Variants in DPF2 observed in about 807,000 individuals in gnomAD.
DPF2 encodes double PHD fingers 2.
A neutral mutation model predicts 59.6 loss-of-function variants in DPF2; 10 were observed. That is an observed-to-expected ratio of 0.17 (90% CI 0.10 to 0.28). The LOEUF (loss-of-function observed/expected upper bound fraction) is 0.28. Among genes scored for constraint, DPF2 ranks in the 10% least tolerant of loss-of-function variants. DPF2 has a pLI of 1.00. For missense variants in DPF2, 315 were observed against 509.4 expected, an observed-to-expected ratio of 0.62 and a Z score of 3.67; for synonymous variants, 189 against 190.6, an observed-to-expected ratio of 0.99 and a Z score of 0.07.
chr11:65,334,307 A>G (rs990942679), intron 1 of DPF2, among the ~76,000 whole-genome samples: 1 of 95,996 alleles, frequency 1.0e-5, no homozygotes, highest in African/African-American at 3.9e-5. Flanking sequence ...CCCGCCGCCC[A>G]CCCCGCCCCG....
intron 1 of DPF2, among the ~76,000 whole-genome samples, chr11:65,336,993 C>T (rs531869353): frequency 6.6e-6 from 1 of 151,620 alleles, no homozygotes; most frequent in Non-Finnish European, 1.5e-5. Context: ...GAGGCTGAGG[C>T]AGAAGAATCG....
chr11:65,340,266 A>C, intron 1 of DPF2, 119 bp from the exon 2 acceptor site: 13 of 1,206,626 alleles, frequency 1.1e-5, no homozygotes, highest in Middle Eastern at 6.0e-4. Flanking sequence ...ATAGAACGGA[A>C]GAGACAGCCA....
chr11:65,337,361 C>T (rs901041954), intron 1 of DPF2, among the ~76,000 whole-genome samples: 3 of 145,480 alleles, frequency 2.1e-5, no homozygotes, highest in Admixed American at 7.0e-5. Flanking sequence ...CGTTGGAACC[C>T]GGGAGGCAGA....
chr11:65,350,836 G>A (rs1046458793), intron 10 of DPF2, among the ~76,000 whole-genome samples: 1 of 151,758 alleles, frequency 6.6e-6, no homozygotes, highest in African/African-American at 2.4e-5. Flanking sequence ...GAAATTAGCT[G>A]GGCGTGGTGC....
rs4647592 is a variant in DPF2 at position 65,349,091 on chromosome 11, C to CTT, written c.1099+161_1099+162dup. On this transcript the variant is annotated intron_variant, in intron 10 of 10. Transcript: ENST00000528416. Reference sequence around the variant, plus strand: ...TTAGAATGCCTTCCTAACATTTCAACTTAAAGGGTTTAGTGTTTGCACATT... The same window carrying CTT: ...TTAGAATGCCTTCCTAACATTTCAACTTTTAAAGGGTTTAGTGTTTGCACATT... 7.3e-3 allele frequency among the ~76,000 whole-genome samples: 1,119 copies of CTT among 152,292 alleles called. 12 individuals carry two copies. The highest frequency in any genetic ancestry group is 0.026 in the African/African-American group (1,080 of 41,554).
chr11:65,333,873 G>T lies in DPF2; in HGVS notation c.-14G>T, dbSNP rs781698186. On this transcript the variant is annotated 5_prime_UTR_variant, in exon 1 of 11. Transcript: ENST00000528416. ...CTGTGGGGCTTCTCGGCCCGAGGCAGAGGAACAGGGAAGATGGCGGCTGTG... is the reference window on the plus strand; with the variant it reads ...CTGTGGGGCTTCTCGGCCCGAGGCATAGGAACAGGGAAGATGGCGGCTGTG... The T allele has an allele frequency of 6.2e-7, 1 of 1,613,832 alleles. No homozygotes were observed. Among genetic ancestry groups the T allele is most frequent in the Admixed American group, 1.7e-5 (1 of 60,008 alleles).
At position 65,351,768 on chromosome 11, in the gene DPF2, C is replaced by T. The variant is rs758885245; in HGVS notation, c.*9C>T. ...ACCAGAACTCCTCTTGATGTGGCCA[C>T]CCACCTGCTCCCCGACATATCTAAG... On this transcript the variant is annotated 3_prime_UTR_variant, in exon 11 of 11. Coordinates refer to ENST00000528416, the MANE Select transcript of DPF2 (RefSeq NM_006268.5). 6.2e-7 allele frequency: 1 copy of T among 1,612,272 alleles called. No homozygotes were observed. Among genetic ancestry groups the T allele is most frequent in the Non-Finnish European group, 8.5e-7 (1 of 1,179,704 alleles).
At position 65,352,213 on chromosome 11, in the gene DPF2, G is replaced by C. The variant is rs187984335; in HGVS notation, c.*454G>C. The C allele has an allele frequency of 2.7e-4, 52 of 189,730 alleles. 1 individual carries two copies. The East Asian group carries it at 7.0e-3, about 25-fold the overall frequency. The allele number at this position is 189,730 out of a possible 1,614,324, so 11.8% of individuals were successfully genotyped here. On this transcript the variant is annotated 3_prime_UTR_variant, in exon 11 of 11. Coordinates refer to ENST00000528416, the MANE Select transcript of DPF2 (RefSeq NM_006268.5). Reference sequence around the variant, plus strand: ...AGCAAGCTGAGGCCACGTCCACAAGGAGCTTTTCATGCCCCTGTGCCGCAT... The same window carrying C: ...AGCAAGCTGAGGCCACGTCCACAAGCAGCTTTTCATGCCCCTGTGCCGCAT...
At chr11:65,343,677 C>T (rs1854445165) in intron 4 of DPF2, 68 bp from the exon 5 acceptor site, 1 of 1,502,758 alleles carries the variant, frequency 6.7e-7, no homozygotes, top group Non-Finnish European at 9.0e-7. Flanking sequence ...TGGCCTTGGC[C>T]AGTCTCATCA....
In DPF2 at chr11:65,337,490, TATATATATATATATAG is replaced by T. The variant is rs1346009257; in HGVS notation, c.33-2893_33-2878del. On this transcript the variant is annotated intron_variant, in intron 1 of 10. Coordinates refer to ENST00000528416, the MANE Select transcript of DPF2 (RefSeq NM_006268.5). ...AAAAAAAAAAATATATATATATATA[TATATATATATATATAG>T]AGAGAGAGAGAGAGAGAGAGAGAGA... Among the ~76,000 whole-genome samples, 11 of 67,012 alleles carry T rather than the reference TATATATATATATATAG, an allele frequency of 1.6e-4. No homozygotes were observed. In the East Asian group the frequency reaches 3.5e-3, roughly 22 times the overall value. 44.0% of individuals were successfully genotyped at this position (67,012 alleles called of 152,430 possible).
rs1423726298 is a variant in DPF2 at position 65,344,045 on chromosome 11, C to G, written c.613C>G (p.Arg205Gly). The G allele has an allele frequency of 6.2e-7, 1 of 1,614,184 alleles. No homozygotes were observed. Among genetic ancestry groups the G allele is most frequent in the Non-Finnish European group, 8.5e-7 (1 of 1,180,030 alleles). Reference sequence around the variant, plus strand: ...GCTGGATGCTTCCATCCTGGAGGACCGGGATAAGCCCTATGCCTGTGACAG... The same window carrying G: ...GCTGGATGCTTCCATCCTGGAGGACGGGGATAAGCCCTATGCCTGTGACAG... ...KKLDASILEDRDKPYACDICG... is the reference protein window; with the variant it reads ...KKLDASILEDGDKPYACDICG... Residue 205 changes from arginine to glycine, a missense_variant, in exon 6 of 11, where the codon CGG (arginine) becomes GGG (glycine). Transcript: ENST00000528416.
chr11:65,341,183 T>G, intron 3 of DPF2, 110 bp downstream of exon 3: 1 of 1,295,888 alleles, frequency 7.7e-7, no homozygotes, highest in Non-Finnish European at 1.1e-6. Context: ...CTCAAATGAA[T>G]ATGATGTGAT....
At chr11:65,338,322 G>GT (rs1227233769) in intron 1 of DPF2, among the ~76,000 whole-genome samples, 2 of 152,148 alleles carry the variant, frequency 1.3e-5, no homozygotes, top group Non-Finnish European at 2.9e-5. Flanking sequence ...ACACTTCAGT[G>GT]TTTCCTTCCC....
At chr11:65,337,079 GAA>G (rs1431630995) in intron 1 of DPF2, among the ~76,000 whole-genome samples, 1 of 152,188 alleles carries the variant, frequency 6.6e-6, no homozygotes, top group Non-Finnish European at 1.5e-5. Flanking sequence ...AAAAAAGAGA[GAA>G]AGTCTTTAAG....
At chr11:65,334,408 G>A (rs527684293) in intron 1 of DPF2, among the ~76,000 whole-genome samples, 1 of 152,310 alleles carries the variant, frequency 6.6e-6, no homozygotes, top group Non-Finnish European at 1.5e-5. Context: ...GCCCCGTGAT[G>A]TTTGGGAGGA....
In DPF2 at chr11:65,348,963, T is replaced by A. The variant is rs776916116; in HGVS notation, c.1099+32T>A. On this transcript the variant is annotated intron_variant, in intron 10 of 10. Coordinates refer to ENST00000528416, the MANE Select transcript of DPF2 (RefSeq NM_006268.5). ...TGCCCAGATCTTTTACTCAGAACAA[T>A]TACTTTATTAGTTACTTGGAAAATA... 3 of 1,606,088 alleles carry A rather than the reference T, an allele frequency of 1.9e-6. No individual in the cohort carries two copies. In the South Asian group the frequency reaches 3.3e-5, roughly 18 times the overall value.
intron 1 of DPF2, among the ~76,000 whole-genome samples, chr11:65,338,936 A>G (rs959705282): frequency 2.0e-5 from 3 of 151,894 alleles, no homozygotes; most frequent in African/African-American, 7.3e-5. Flanking sequence ...ATTTGGTCCA[A>G]CCTCCTCAAT....
intron 8 of DPF2, 42 bp from the exon 9 acceptor site, chr11:65,346,205 C>T (rs202228737): frequency 2.6e-5 from 41 of 1,604,546 alleles, no homozygotes; most frequent in South Asian, 1.9e-4. Flanking sequence ...CTCTTCCCCC[C>T]GCATTTCCGA....
chr11:65,346,401 C>T (rs779401217), intron 9 of DPF2, 42 bp downstream of exon 9: 1 of 1,557,458 alleles, frequency 6.4e-7, no homozygotes, highest in Non-Finnish European at 8.8e-7. Flanking sequence ...TCCTTCTGGG[C>T]TTTTACTGCT....
Sources: gnomAD v4.1 joint callset for allele counts (sites outside exome capture counted in the v4.1 genomes callset) on GRCh38, gnomAD v4.1.1 for gene constraint, MANE v1.5 for transcripts, NCBI Gene and HGNC (gene_info 2026-07-23, HGNC 2026-07-21) for gene names.